The following MACC1 variants were observed in gnomAD, a reference collection of about 807,000 sequenced individuals.
The protein encoded by MACC1 is MET transcriptional regulator MACC1, also known as metastasis-associated in colon cancer protein 1.
In MACC1, 79 loss-of-function variants were observed where a neutral mutation model predicts 70.7. That is an observed-to-expected ratio of 1.12 (90% CI 0.93 to 1.35). The LOEUF (loss-of-function observed/expected upper bound fraction) is 1.35. Ranked by LOEUF, MACC1 falls within the 40% of genes most tolerant of loss-of-function variation. The probability of loss-of-function intolerance (pLI) is 0.00; values close to 1 mark genes in which losing one functional copy is unlikely to be tolerated. For missense variants in MACC1, 1,106 were observed against 978.1 expected (o/e 1.13, Z -1.74); for synonymous variants, 361 against 347.2 (o/e 1.04, Z -0.44).
rs1782103228 is a variant in MACC1 at position 20,159,201 on chromosome 7, A to C, written c.1160T>G (p.Val387Gly). 5 of 1,613,868 alleles carry C rather than the reference A, an allele frequency of 3.1e-6. No homozygotes were observed. Among genetic ancestry groups the C allele is most frequent in the Non-Finnish European group, 4.2e-6 (5 of 1,179,988 alleles). Residue 387 changes from valine to glycine, a missense_variant, in exon 5 of 7, where the codon GTT (valine) becomes GGT (glycine). Physicochemically the swap from Val to Gly is moderately radical, Grantham distance 109. Transcript: ENST00000400331. ...ATAATTGTGTCCACAAACTGTTAAAACAACAGTAAAACTGGGATGGATATA... is the reference window on the plus strand; with the variant it reads ...ATAATTGTGTCCACAAACTGTTAAACCAACAGTAAAACTGGGATGGATATA... The part of the protein sequence containing the change: ...PKYIHPSFTV[V>G]LTVCGHNYMP...
intron 1 of MACC1, among the ~76,000 whole-genome samples, chr7:20,187,410 A>T (rs947076008): frequency 1.3e-5 from 2 of 152,170 alleles, no homozygotes; most frequent in Non-Finnish European, 2.9e-5. Context: ...TGATTCTAAC[A>T]ATCCTTTCAC....
intron 1 of MACC1, among the ~76,000 whole-genome samples, chr7:20,171,900 G>C (rs11977748): frequency 6.6e-6 from 1 of 152,146 alleles, no homozygotes; most frequent in African/African-American, 2.4e-5. Context: ...GTGATGATGT[G>C]AGTTACAAGA....
intron 6 of MACC1, among the ~76,000 whole-genome samples, 189 bp downstream of exon 6, chr7:20,154,004 C>T (rs1013686524): frequency 6.6e-6 from 1 of 152,150 alleles, no homozygotes; most frequent in Admixed American, 6.6e-5. Context: ...TTTAAGGGCT[C>T]TCAATGCCTT....
At chr7:20,182,698 A>G (rs3094991) in intron 1 of MACC1, among the ~76,000 whole-genome samples, 50,911 of 151,938 alleles carry the variant, frequency 0.34, 9,874 homozygotes, top group East Asian at 0.83. Flanking sequence ...AGTTTCCCCC[A>G]TAAAACACCC....
At chr7:20,166,871 T>C (rs1241985323) in intron 2 of MACC1, among the ~76,000 whole-genome samples, 1 of 152,194 alleles carries the variant, frequency 6.6e-6, no homozygotes, top group Non-Finnish European at 1.5e-5. Context: ...TTGTGCAGCA[T>C]AACATCATAT....
At chr7:20,168,618 C>T (rs1395573179) in intron 2 of MACC1, among the ~76,000 whole-genome samples, 2 of 152,200 alleles carry the variant, frequency 1.3e-5, no homozygotes, top group Admixed American at 6.5e-5. Flanking sequence ...TTTAATGGAG[C>T]TCTTTCTTAA....
intron 1 of MACC1, among the ~76,000 whole-genome samples, chr7:20,207,093 A>G (rs1045081998): frequency 3.3e-5 from 5 of 151,802 alleles, no homozygotes; most frequent in African/African-American, 1.2e-4. Flanking sequence ...TTTTAGGATA[A>G]TCTTTCTAAA....
chr7:20,214,143 C>A (rs1783036544), intron 1 of MACC1, among the ~76,000 whole-genome samples: 1 of 152,104 alleles, frequency 6.6e-6, no homozygotes, highest in African/African-American at 2.4e-5. Flanking sequence ...CCAGGAGGAA[C>A]CCGCTAAAGT....
chr7:20,189,226 T>A (rs1372499390), intron 1 of MACC1, among the ~76,000 whole-genome samples: 1 of 152,234 alleles, frequency 6.6e-6, no homozygotes, highest in Non-Finnish European at 1.5e-5. Flanking sequence ...CTCTGCCTTA[T>A]TTTTCTTCAT....
chr7:20,217,110 T>C (rs1186763109), intron 1 of MACC1, among the ~76,000 whole-genome samples, 189 bp downstream of exon 1: 2 of 152,184 alleles, frequency 1.3e-5, no homozygotes, highest in Non-Finnish European at 2.9e-5. Context: ...TTCTATTCTA[T>C]GTCATGAGGT....
At chr7:20,196,325 C>T (rs915707569) in intron 1 of MACC1, among the ~76,000 whole-genome samples, 16 of 151,938 alleles carry the variant, frequency 1.1e-4, no homozygotes, top group South Asian at 2.1e-4. Context: ...GGACTACAGG[C>T]GCCCGCCACC....
chr7:20,167,275 A>C (rs1782235145), intron 2 of MACC1, among the ~76,000 whole-genome samples: 2 of 151,776 alleles, frequency 1.3e-5, no homozygotes, highest in Non-Finnish European at 2.9e-5. Flanking sequence ...AGCTCACTGC[A>C]ACCTCCACCT....
chr7:20,156,110 G>A (rs1782051043), intron 5 of MACC1, among the ~76,000 whole-genome samples: 1 of 152,176 alleles, frequency 6.6e-6, no homozygotes, highest in Non-Finnish European at 1.5e-5. Flanking sequence ...GTCAAGAGAT[G>A]ACTGAAGGGT....
At chr7:20,145,421 AAGAG>A (rs1781875302) in intron 6 of MACC1, among the ~76,000 whole-genome samples, 1 of 152,196 alleles carries the variant, frequency 6.6e-6, no homozygotes, top group African/African-American at 2.4e-5. Flanking sequence ...GTGTCAAAGG[AAGAG>A]AGACAGAACC....
intron 1 of MACC1, among the ~76,000 whole-genome samples, chr7:20,182,107 C>T (rs1342092626): frequency 6.8e-6 from 1 of 146,840 alleles, no homozygotes; most frequent in African/African-American, 2.5e-5. Context: ...AACCAAACAC[C>T]ACGTGTTCTC....
At chr7:20,147,006 G>C (rs977385006) in intron 6 of MACC1, among the ~76,000 whole-genome samples, 1 of 152,188 alleles carries the variant, frequency 6.6e-6, no homozygotes, top group Admixed American at 6.5e-5. Context: ...AGCAGCGTGA[G>C]TAAGTATTTA....
At chr7:20,208,042 TG>T (rs930665135) in intron 1 of MACC1, among the ~76,000 whole-genome samples, 3 of 152,202 alleles carry the variant, frequency 2.0e-5, no homozygotes, top group African/African-American at 7.2e-5. Context: ...TTTCCCCTGC[TG>T]GGACTCATCC....
intron 6 of MACC1, among the ~76,000 whole-genome samples, chr7:20,144,278 C>A (rs1208581325): frequency 6.6e-6 from 1 of 152,158 alleles, no homozygotes; most frequent in African/African-American, 2.4e-5. Flanking sequence ...GAGATAGACA[C>A]CTGCACAAAC....
At chr7:20,169,688 C>A (rs1782273486) in intron 2 of MACC1, among the ~76,000 whole-genome samples, 1 of 152,176 alleles carries the variant, frequency 6.6e-6, no homozygotes, top group Non-Finnish European at 1.5e-5. Flanking sequence ...AGTTACAATT[C>A]TCTGGTTACA....
Sources: gnomAD v4.1 joint callset for allele counts (sites outside exome capture counted in the v4.1 genomes callset) on GRCh38, gnomAD v4.1.1 for gene constraint, MANE v1.5 for transcripts, NCBI Gene and HGNC (gene_info 2026-07-23, HGNC 2026-07-21) for gene names.